DCLK1: variants seen among roughly 807,000 people sequenced by gnomAD.
The protein encoded by DCLK1 is serine/threonine-protein kinase DCLK1.
DCLK1 carries 16 observed loss-of-function variants against 86.2 expected under a neutral mutation model. The observed-to-expected ratio is 0.19, with a 90% CI of 0.13 to 0.28. The LOEUF (loss-of-function observed/expected upper bound fraction) is 0.28, where lower values mean the gene tolerates loss of function less well. Among genes scored for constraint, DCLK1 ranks in the 10% least tolerant of loss-of-function variants. The probability of loss-of-function intolerance (pLI) is 1.00; values close to 1 mark genes in which losing one functional copy is unlikely to be tolerated. For synonymous variants in DCLK1, 369 were observed against 370.5 expected, an observed-to-expected ratio of 1.00 and a Z score of 0.05; for missense variants, 590 against 940.2, an observed-to-expected ratio of 0.63 and a Z score of 4.87.
intron 3 of DCLK1, among the ~76,000 whole-genome samples, chr13:35,995,361 T>C (rs1461478800): frequency 6.6e-6 from 1 of 152,202 alleles, no homozygotes; most frequent in Non-Finnish European, 1.5e-5. Flanking sequence ...GTTTTCAATA[T>C]ACTAGTTAGT....
chr13:35,961,882 A>C (rs1878480336), intron 3 of DCLK1, among the ~76,000 whole-genome samples: 1 of 152,246 alleles, frequency 6.6e-6, no homozygotes, highest in Admixed American at 6.5e-5. Context: ...TATTAAGTGT[A>C]ATCAGACATA....
intron 4 of DCLK1, among the ~76,000 whole-genome samples, chr13:35,899,022 T>A (rs1468006531): frequency 6.6e-6 from 1 of 152,176 alleles, no homozygotes; most frequent in Admixed American, 6.5e-5. Context: ...ATTACAGGCG[T>A]GAGCCACCAC....
intron 11 of DCLK1, among the ~76,000 whole-genome samples, chr13:35,822,429 T>C (rs2087417352): frequency 6.6e-6 from 1 of 152,198 alleles, no homozygotes; most frequent in African/African-American, 2.4e-5. Context: ...CATTTGTGTC[T>C]GTGTAACTTG....
At chr13:36,004,286 A>G (rs1339484893) in intron 3 of DCLK1, among the ~76,000 whole-genome samples, 2 of 152,174 alleles carry the variant, frequency 1.3e-5, no homozygotes, top group Non-Finnish European at 2.9e-5. Context: ...TTTTACAAAC[A>G]AACTTTAAAA....
At chr13:36,099,699 C>G (rs183476627) in intron 3 of DCLK1, among the ~76,000 whole-genome samples, 3 of 152,328 alleles carry the variant, frequency 2.0e-5, no homozygotes, top group African/African-American at 4.8e-5. Flanking sequence ...GCACAATCAT[C>G]TTAATAAAAC....
intron 3 of DCLK1, among the ~76,000 whole-genome samples, chr13:36,077,478 C>G (rs1884254114): frequency 6.6e-6 from 1 of 152,154 alleles, no homozygotes; most frequent in African/African-American, 2.4e-5. Flanking sequence ...ACCAAGTACT[C>G]TGCTAGAGCT....
intron 3 of DCLK1, among the ~76,000 whole-genome samples, chr13:36,057,188 C>A (rs566896579): frequency 6.6e-5 from 10 of 152,240 alleles, no homozygotes; most frequent in Non-Finnish European, 1.3e-4. Context: ...CTGTAAACCA[C>A]ATCAGTGATA....
intron 12 of DCLK1, among the ~76,000 whole-genome samples, chr13:35,810,392 G>A (rs1393661135): frequency 6.6e-6 from 1 of 152,178 alleles, no homozygotes; most frequent in Non-Finnish European, 1.5e-5. Flanking sequence ...GTACTCCACG[G>A]AAAATCAATG....
chr13:36,095,176 T>TC (rs1566679169), intron 3 of DCLK1, among the ~76,000 whole-genome samples: 1 of 136,526 alleles, frequency 7.3e-6, no homozygotes, highest in Non-Finnish European at 1.5e-5. Context: ...TCTCTTTGTT[T>TC]TTTTTTTTTG....
intron 3 of DCLK1, among the ~76,000 whole-genome samples, chr13:35,995,021 T>C (rs1296105804): frequency 6.6e-6 from 1 of 152,150 alleles, no homozygotes; most frequent in Non-Finnish European, 1.5e-5. Context: ...TGACACAAAT[T>C]CAGAAAGCTA....
intron 4 of DCLK1, among the ~76,000 whole-genome samples, chr13:35,876,485 A>G (rs956725690): frequency 1.3e-4 from 20 of 152,232 alleles, no homozygotes; most frequent in Non-Finnish European, 2.6e-4. Context: ...CTTTCCAAAT[A>G]AAGTTTAGAT....
intron 3 of DCLK1, among the ~76,000 whole-genome samples, chr13:36,082,018 T>C (rs1471965974): frequency 1.3e-5 from 2 of 152,142 alleles, no homozygotes; most frequent in Non-Finnish European, 2.9e-5. Flanking sequence ...GATAACCTTA[T>C]CTCCAGCCTT....
chr13:35,958,190 TACCACC>T (rs1237017860), intron 3 of DCLK1, among the ~76,000 whole-genome samples: 1 of 5,668 alleles, frequency 1.8e-4, no homozygotes, highest in African/African-American at 3.4e-4. Flanking sequence ...TAACCACCAC[TACCACC>T]ACCACCATTA....
intron 4 of DCLK1, among the ~76,000 whole-genome samples, chr13:35,915,835 T>G (rs758936116): frequency 6.6e-6 from 1 of 152,256 alleles, no homozygotes; most frequent in Non-Finnish European, 1.5e-5. Flanking sequence ...ACTTTACTTA[T>G]GTTTTGATTG....
chr13:35,809,092 G>A lies in DCLK1; in HGVS notation c.1692C>T (p.Tyr564=), dbSNP rs1041361899. 9.9e-6 allele frequency: 16 copies of A among 1,609,264 alleles called. No homozygotes were observed. The highest frequency in any genetic ancestry group is 6.7e-5 in the African/African-American group (5 of 74,798). Residue 564 remains tyrosine, a synonymous_variant, in exon 13 of 17, where the codon TAC becomes TAT. Transcript: ENST00000360631. ...VAPEIIAETG[Y]GLKVDIWAAG... ...CTGCCCAGATGTCCACCTTGAGGCC[G>A]TATCTGGAAAAATAAGGGATGTTAG... is the stretch of plus-strand genomic sequence containing the variant.
At chr13:36,074,468 CAAAAAAAAAAAAAAAAAAAAAAAAAAAAA>C (rs768865436) in intron 3 of DCLK1, among the ~76,000 whole-genome samples, 2,739 of 79,252 alleles carry the variant, frequency 0.035, 83 homozygotes, top group Middle Eastern at 0.068. Flanking sequence ...GACTCCGTCT[CAAAAAAAAAAAAAAAAAAAAAAAAAAAAA>C]AAAAAAAAAA....
intron 3 of DCLK1, among the ~76,000 whole-genome samples, chr13:36,016,804 T>G (rs1881553755): frequency 6.6e-6 from 1 of 152,232 alleles, no homozygotes; most frequent in African/African-American, 2.4e-5. Context: ...ATCTAAAATG[T>G]TATTTTAACA....
Position 35,954,954 on chromosome 13 carries a change from A to G in DCLK1, c.724-7497T>C, listed in dbSNP as rs191404288. On this transcript the variant is annotated intron_variant, in intron 3 of 16. Coordinates refer to ENST00000360631, the MANE Select transcript of DCLK1 (RefSeq NM_001330071.2). ...AGGAAAAGTTCTCCTTTGAAATGGT[A>G]GCAATTTGATTCGCTGGGTCAATCA... is the stretch of plus-strand genomic sequence containing the variant. 6.6e-5 allele frequency among the ~76,000 whole-genome samples: 10 copies of G among 152,294 alleles called. No homozygotes were observed. The East Asian group carries it at 1.7e-3, about 27-fold the overall frequency.
At chr13:36,016,901 A>G (rs2153149549) in intron 3 of DCLK1, among the ~76,000 whole-genome samples, 1 of 152,304 alleles carries the variant, frequency 6.6e-6, no homozygotes, top group African/African-American at 2.4e-5. Flanking sequence ...CACATTTACA[A>G]CACACCTCAA....
Sources: gnomAD v4.1 joint callset for allele counts (sites outside exome capture counted in the v4.1 genomes callset) on GRCh38, gnomAD v4.1.1 for gene constraint, MANE v1.5 for transcripts, NCBI Gene and HGNC (gene_info 2026-07-23, HGNC 2026-07-21) for gene names.